Variants in SPATS2L observed in about 807,000 individuals in gnomAD.
The protein encoded by SPATS2L is spermatogenesis associated serine rich 2 like.
SPATS2L carries 30 observed loss-of-function variants against 59.6 expected under a neutral mutation model. That is an observed-to-expected ratio of 0.50 (90% CI 0.38 to 0.68). The LOEUF (loss-of-function observed/expected upper bound fraction) is 0.68, where lower values mean the gene tolerates loss of function less well. Ranked by LOEUF, SPATS2L falls within the 30% of genes least tolerant of loss-of-function variation. The pLI is 0.00. For missense variants in SPATS2L, 615 were observed against 700.0 expected (o/e 0.88, Z 1.37); for synonymous variants, 252 against 263.5 (o/e 0.96, Z 0.42).
intron 2 of SPATS2L, among the ~76,000 whole-genome samples, chr2:200,336,868 T>C (rs1452056535): frequency 2.0e-5 from 3 of 152,236 alleles, no homozygotes; most frequent in African/African-American, 7.2e-5. Flanking sequence ...TGTTGATTCC[T>C]TGTTTTTCAA....
chr2:200,444,617 G>A (rs950554286), intron 8 of SPATS2L, among the ~76,000 whole-genome samples: 2 of 152,042 alleles, frequency 1.3e-5, no homozygotes, highest in Non-Finnish European at 2.9e-5. Flanking sequence ...TGTACCAGTG[G>A]GCCAGAAATG....
intron 2 of SPATS2L, 56 bp from the exon 3 acceptor site, chr2:200,389,167 A>G (rs982178711): frequency 1.7e-6 from 2 of 1,149,338 alleles, no homozygotes; most frequent in African/African-American, 3.1e-5. Context: ...GAGAGTGTAA[A>G]AATAACACAT....
chr2:200,473,991 C>G (rs2106246493), intron 12 of SPATS2L, among the ~76,000 whole-genome samples: 1 of 151,636 alleles, frequency 6.6e-6, no homozygotes, highest in Admixed American at 6.6e-5. Flanking sequence ...CAGAGTGAGA[C>G]TCCATCTCAA....
intron 12 of SPATS2L, among the ~76,000 whole-genome samples, chr2:200,477,136 A>G (rs925665121): frequency 1.3e-5 from 2 of 152,100 alleles, no homozygotes; most frequent in Non-Finnish European, 2.9e-5. Context: ...GGAAAAGGCA[A>G]TATTTGAGCA....
At chr2:200,392,992 C>T (rs2082216517) in intron 3 of SPATS2L, 1 of 335,362 alleles carries the variant, frequency 3.0e-6, no homozygotes, top group South Asian at 2.4e-5. Context: ...AACTTATTGG[C>T]CATTGAGTAA....
chr2:200,451,236 G>A (rs535575351), intron 8 of SPATS2L, among the ~76,000 whole-genome samples: 61 of 151,740 alleles, frequency 4.0e-4, no homozygotes, highest in African/African-American at 1.2e-3. Context: ...TGGAAGGATC[G>A]CCTGAGCCCA....
chr2:200,367,967 T>A (rs1309925893), intron 2 of SPATS2L, among the ~76,000 whole-genome samples: 2 of 152,180 alleles, frequency 1.3e-5, no homozygotes, highest in African/African-American at 4.8e-5. Context: ...AACAGCGTTA[T>A]AAGAAAGTAA....
intron 6 of SPATS2L, among the ~76,000 whole-genome samples, chr2:200,438,700 G>A (rs926703567): frequency 5.3e-5 from 8 of 152,156 alleles, no homozygotes; most frequent in Admixed American, 2.0e-4. Context: ...CATTAATGTA[G>A]CACTTGGAGA....
chr2:200,337,218 A>G (rs1363204260), intron 2 of SPATS2L, among the ~76,000 whole-genome samples: 1 of 152,242 alleles, frequency 6.6e-6, no homozygotes, highest in Non-Finnish European at 1.5e-5. Flanking sequence ...GTCCTGACTA[A>G]TGCTTTGAAA....
chr2:200,422,628 G>A (rs1401402874), intron 6 of SPATS2L, among the ~76,000 whole-genome samples: 1 of 151,804 alleles, frequency 6.6e-6, no homozygotes, highest in African/African-American at 2.4e-5. Flanking sequence ...CTCCTTATTG[G>A]CCCTTAATTT....
intron 3 of SPATS2L, among the ~76,000 whole-genome samples, chr2:200,409,141 C>T (rs933726324): frequency 2.3e-4 from 35 of 152,182 alleles, no homozygotes; most frequent in African/African-American, 1.4e-4. Context: ...TGTGAAGCTG[C>T]GCCAGAAACA....
intron 8 of SPATS2L, among the ~76,000 whole-genome samples, chr2:200,441,300 C>CT (rs757226744): frequency 8.5e-5 from 13 of 152,098 alleles, no homozygotes; most frequent in Non-Finnish European, 1.6e-4. Context: ...TTCCCTGCTA[C>CT]TGATTTTGAT....
chr2:200,315,780 G>A (rs558294369), intron 1 of SPATS2L, among the ~76,000 whole-genome samples: 39 of 148,028 alleles, frequency 2.6e-4, no homozygotes, highest in Non-Finnish European at 4.7e-4. Flanking sequence ...GAAAGACCTG[G>A]AAGATAGCAC....
chr2:200,334,548 T>G (rs1225095842), intron 2 of SPATS2L, among the ~76,000 whole-genome samples: 1 of 151,816 alleles, frequency 6.6e-6, no homozygotes, highest in East Asian at 1.9e-4. Flanking sequence ...TGGCTTTTGT[T>G]GCCATTGCTT....
intron 5 of SPATS2L, among the ~76,000 whole-genome samples, chr2:200,417,934 T>C (rs1466877523): frequency 6.6e-6 from 1 of 152,154 alleles, no homozygotes; most frequent in East Asian, 1.9e-4. Context: ...TACTGCTTGT[T>C]GAGTACACTG....
rs117839885 is a variant in SPATS2L, at chr2:200,474,547, C to A, written c.1281+1495C>A. Among the ~76,000 whole-genome samples the A allele has an allele frequency of 5.7e-4, 87 of 152,220 alleles. 2 individuals carry two copies. In the East Asian group the frequency reaches 0.015, roughly 27 times the overall value. ...CAAATTCCTGGGCTCAAGCGATCCA[C>A]CTGCTTCAGCCTCCCAAAGTGCTGA... is the stretch of plus-strand genomic sequence containing the variant. On this transcript the variant is annotated intron_variant, in intron 12 of 12. Coordinates refer to ENST00000409140, the MANE Select transcript of SPATS2L (RefSeq NM_001100423.2).
Position 200,306,741 on chromosome 2 carries a change from C to G in SPATS2L, c.-254C>G. Reference sequence around the variant, plus strand: ...GTCCGGGGGCCGAGCTGGCTGCGCCCTCCGCTGCAAGCGCCGGCAGCGCGG... The same window carrying G: ...GTCCGGGGGCCGAGCTGGCTGCGCCGTCCGCTGCAAGCGCCGGCAGCGCGG... On this transcript the variant is annotated 5_prime_UTR_variant, in exon 1 of 13. Coordinates refer to ENST00000409140, the MANE Select transcript of SPATS2L (RefSeq NM_001100423.2). 1 of 953,918 alleles carries G rather than the reference C, an allele frequency of 1.0e-6. No individual in the cohort carries two copies. The highest frequency in any genetic ancestry group is 1.2e-6 in the Non-Finnish European group (1 of 815,490). 59.1% of individuals were successfully genotyped at this position (953,918 alleles called of 1,614,324 possible). A position where few individuals can be genotyped will look rare whatever the true frequency, so the allele number is the denominator to read the frequency against.
At chr2:200,416,591 T>C (rs1318609474) in intron 5 of SPATS2L, among the ~76,000 whole-genome samples, 163 bp downstream of exon 5, 1 of 152,194 alleles carries the variant, frequency 6.6e-6, no homozygotes, top group African/African-American at 2.4e-5. Context: ...GCAGATACTC[T>C]CAGATACTCT....
intron 9 of SPATS2L, 111 bp downstream of exon 9, chr2:200,459,938 G>T: frequency 1.2e-6 from 1 of 820,988 alleles, no homozygotes; most frequent in Non-Finnish European, 1.9e-6. Flanking sequence ...AATTTATATT[G>T]AAATTTTGGC....
Sources: gnomAD v4.1 joint callset for allele counts (sites outside exome capture counted in the v4.1 genomes callset) on GRCh38, gnomAD v4.1.1 for gene constraint, MANE v1.5 for transcripts, NCBI Gene and HGNC (gene_info 2026-07-23, HGNC 2026-07-21) for gene names.